ARHGAP44: variants seen among roughly 807,000 people sequenced by gnomAD.
The protein encoded by ARHGAP44 is Rho GTPase activating protein 44.
Under a neutral mutation model 106.8 loss-of-function variants are expected in ARHGAP44, and 43 were observed. That is an observed-to-expected ratio of 0.40 (90% CI 0.32 to 0.52). The LOEUF (loss-of-function observed/expected upper bound fraction) is 0.52. Among genes scored for constraint, ARHGAP44 ranks in the 20% least tolerant of loss-of-function variants. The pLI is 0.48. For synonymous variants in ARHGAP44, 439 were observed against 410.3 expected (o/e 1.07, Z -0.85); for missense variants, 866 against 1,050.5 (o/e 0.82, Z 2.43).
At chr17:12,888,126 T>C (rs1319854303) in intron 1 of ARHGAP44, among the ~76,000 whole-genome samples, 2 of 152,118 alleles carry the variant, frequency 1.3e-5, no homozygotes, top group Non-Finnish European at 2.9e-5. Flanking sequence ...TCTTCCCTTA[T>C]GCTATAATTT....
At chr17:12,967,818 C>T (rs928564743) in intron 16 of ARHGAP44, among the ~76,000 whole-genome samples, 2 of 152,166 alleles carry the variant, frequency 1.3e-5, no homozygotes, top group African/African-American at 4.8e-5. Flanking sequence ...TCATCTCCAG[C>T]ATCAACGAGC....
intron 7 of ARHGAP44, among the ~76,000 whole-genome samples, chr17:12,936,463 A>T (rs2038553015): frequency 6.6e-6 from 1 of 152,196 alleles, no homozygotes; most frequent in Non-Finnish European, 1.5e-5. Context: ...GCCTTTCCAG[A>T]CTGGCTTCTT....
In ARHGAP44 at chr17:12,990,056, C is replaced by T. The variant is rs374319888; in HGVS notation, c.2342C>T (p.Ser781Leu). ...GATCTTGTCCACTTTGATATTCCCT[C>T]GATCCACATAGAGCTCGGGTCGACG... ...STDLVHFDIP[S>L]IHIELGSTLR... is the part of the protein sequence containing the mutation. The change falls in exon 21 of 21, where the codon TCG becomes TTG. Residue 781 changes from serine to leucine, a missense_variant. Coordinates refer to ENST00000379672, the MANE Select transcript of ARHGAP44 (RefSeq NM_014859.6). The T allele has an allele frequency of 4.2e-5, 68 of 1,608,466 alleles. No individual in the cohort carries two copies. The highest frequency in any genetic ancestry group is 5.5e-5 in the South Asian group (5 of 90,988).
At chr17:12,898,415 C>T (rs2037278600) in intron 3 of ARHGAP44, among the ~76,000 whole-genome samples, 1 of 152,070 alleles carries the variant, frequency 6.6e-6, no homozygotes, top group African/African-American at 2.4e-5. Context: ...CAGCAAGGGC[C>T]CAAGATGTTG....
At chr17:12,792,912 C>A (rs892862936) in intron 1 of ARHGAP44, among the ~76,000 whole-genome samples, 4 of 152,200 alleles carry the variant, frequency 2.6e-5, no homozygotes, top group African/African-American at 9.6e-5. Context: ...TTGTATTTAA[C>A]TGACAAAAGT....
At chr17:12,962,255 T>A (rs772109427) in intron 16 of ARHGAP44, among the ~76,000 whole-genome samples, 6 of 152,140 alleles carry the variant, frequency 3.9e-5, no homozygotes, top group Non-Finnish European at 1.5e-5. Context: ...CAAAGCTTCT[T>A]ACTTCCCTCG....
intron 1 of ARHGAP44, among the ~76,000 whole-genome samples, chr17:12,854,671 T>G (rs1454143981): frequency 6.6e-6 from 1 of 151,882 alleles, no homozygotes; most frequent in Non-Finnish European, 1.5e-5. Context: ...AAAGAAACAG[T>G]GTCTTGGCTG....
intron 4 of ARHGAP44, among the ~76,000 whole-genome samples, chr17:12,914,420 A>G (rs2037839425): frequency 6.6e-6 from 1 of 152,234 alleles, no homozygotes; most frequent in Non-Finnish European, 1.5e-5. Context: ...GGACAGCTTA[A>G]CATAATGGTG....
chr17:12,935,701 G>A (rs1211422160), intron 7 of ARHGAP44, among the ~76,000 whole-genome samples: 1 of 152,142 alleles, frequency 6.6e-6, no homozygotes, highest in East Asian at 1.9e-4. Flanking sequence ...GGAAAATAAT[G>A]CAGGTATGGA....
intron 16 of ARHGAP44, among the ~76,000 whole-genome samples, chr17:12,969,774 A>G (rs192856034): frequency 1.3e-5 from 2 of 152,340 alleles, no homozygotes; most frequent in Admixed American, 1.3e-4. Flanking sequence ...CCACCAGGTC[A>G]TGGTGCAAGG....
At chr17:12,982,224 C>T (rs1227220172) in intron 19 of ARHGAP44, among the ~76,000 whole-genome samples, 1 of 152,162 alleles carries the variant, frequency 6.6e-6, no homozygotes, top group Non-Finnish European at 1.5e-5. Flanking sequence ...CCCAAGTGAC[C>T]TTCAATAGCT....
At chr17:12,921,585 A>G (rs1031939975) in intron 6 of ARHGAP44, among the ~76,000 whole-genome samples, 6 of 152,144 alleles carry the variant, frequency 3.9e-5, no homozygotes, top group Non-Finnish European at 8.8e-5. Context: ...GAGTAGGCCA[A>G]TTTTAATCAT....
rs1276828095 is a variant in ARHGAP44, at chr17:12,896,505, G to A, written c.192G>A (p.Lys64=). ...LQGQQGAEAD[K]RSKKLPLTTL... ...GCCAGCAAGGGGCAGAGGCTGACAA[G>A]CGCTCCGTAAGTGCCCTCCCAGCCC... The change falls in exon 3 of 21, where the codon AAG becomes AAA. Residue 64 remains lysine (K), a synonymous_variant. Coordinates refer to ENST00000379672, the MANE Select transcript of ARHGAP44 (RefSeq NM_014859.6). 1 of 1,599,908 alleles carries A rather than the reference G, an allele frequency of 6.3e-7. No individual in the cohort carries two copies. Among genetic ancestry groups the A allele is most frequent in the South Asian group, 1.1e-5 (1 of 88,104 alleles).
intron 5 of ARHGAP44, 121 bp downstream of exon 5, chr17:12,916,132 T>C (rs1403325932): frequency 3.8e-6 from 3 of 783,092 alleles, no homozygotes; most frequent in Non-Finnish European, 6.2e-6. Flanking sequence ...ACATTGTTTT[T>C]CATCAGGGAT....
At chr17:12,943,723 C>T in intron 9 of ARHGAP44, 54 bp downstream of exon 9, 2 of 1,551,794 alleles carry the variant, frequency 1.3e-6, no homozygotes, top group Non-Finnish European at 1.8e-6. Context: ...GCTTGCCTTC[C>T]CGGATGAGAT....
rs779039591 is a variant in ARHGAP44, at chr17:12,980,043, G to A, written c.1764-15G>A. On this transcript the variant is annotated splice_polypyrimidine_tract_variant and intron_variant, in intron 18 of 20. Transcript: ENST00000379672. ...GTTCAGGGCTTTTCTTTTGTCTCAT[G>A]TGCTTTCGTTTCAGCACAACAAAAA... is the stretch of plus-strand genomic sequence containing the variant. 5.0e-6 allele frequency: 8 copies of A among 1,590,968 alleles called. No homozygotes were observed. Among genetic ancestry groups the A allele is most frequent in the South Asian group, 1.1e-5 (1 of 89,340 alleles).
chr17:12,945,873 G>A (rs2038837962), intron 10 of ARHGAP44, among the ~76,000 whole-genome samples: 1 of 152,112 alleles, frequency 6.6e-6, no homozygotes, highest in Non-Finnish European at 1.5e-5. Flanking sequence ...TGCAACCTCT[G>A]CCTTCCAGGT....
intron 4 of ARHGAP44, among the ~76,000 whole-genome samples, chr17:12,912,798 A>G (rs2037779757): frequency 6.6e-6 from 1 of 152,228 alleles, no homozygotes; most frequent in Non-Finnish European, 1.5e-5. Context: ...TCAGCCTAGG[A>G]GTTCAATATT....
intron 1 of ARHGAP44, among the ~76,000 whole-genome samples, chr17:12,802,965 A>ATTT (rs2034158996): frequency 3.7e-5 from 1 of 27,026 alleles, no homozygotes; most frequent in Admixed American, 7.0e-4. Context: ...ATATATATAT[A>ATTT]TATATTTTTT....
Sources: gnomAD v4.1 joint callset for allele counts (sites outside exome capture counted in the v4.1 genomes callset) on GRCh38, gnomAD v4.1.1 for gene constraint, MANE v1.5 for transcripts, NCBI Gene and HGNC (gene_info 2026-07-23, HGNC 2026-07-21) for gene names.